TENM2: variants seen among roughly 807,000 people sequenced by gnomAD.
TENM2 encodes teneurin transmembrane protein 2, also known as teneurin-2.
TENM2 carries 52 observed loss-of-function variants against 245.2 expected under a neutral mutation model. The ratio of observed to expected loss-of-function variants is 0.21; its 90% CI spans 0.17 to 0.27. The LOEUF is 0.27. Among genes scored for constraint, TENM2 ranks in the 10% least tolerant of loss-of-function variants. The pLI is 1.00. For synonymous variants in TENM2, 1,363 were observed against 1,438.9 expected, an observed-to-expected ratio of 0.95 and a Z score of 1.19; for missense variants, 3,046 against 3,666.8, an observed-to-expected ratio of 0.83 and a Z score of 4.37.
intron 1 of TENM2, among the ~76,000 whole-genome samples, chr5:167,288,567 A>AT (rs1157918275): frequency 6.6e-6 from 1 of 152,044 alleles, no homozygotes; most frequent in African/African-American, 2.4e-5. Context: ...TCAAAAAAAA[A>AT]AAAAAAAGAA....
intron 5 of TENM2, among the ~76,000 whole-genome samples, chr5:167,997,058 C>T (rs1784104147): frequency 6.6e-6 from 1 of 152,108 alleles, no homozygotes; most frequent in Non-Finnish European, 1.5e-5. Flanking sequence ...CACTTTTATA[C>T]AACTATTCAA....
At chr5:168,148,799 C>T (rs1053039131) in intron 12 of TENM2, among the ~76,000 whole-genome samples, 2 of 151,672 alleles carry the variant, frequency 1.3e-5, no homozygotes, top group African/African-American at 4.9e-5. Flanking sequence ...GTTTTGTGAC[C>T]GCATCTTCAC....
At chr5:167,025,843 A>G in the TENM2 span, among the ~76,000 whole-genome samples, 1 of 152,144 alleles carries the variant, frequency 6.6e-6, no homozygotes, top group Non-Finnish European at 1.5e-5. Context: ...TGGTGTATAT[A>G]ATCCGCTTCT....
At chr5:167,409,363 T>G (rs2127400884) in intron 2 of TENM2, among the ~76,000 whole-genome samples, 1 of 152,106 alleles carries the variant, frequency 6.6e-6, no homozygotes, top group African/African-American at 2.4e-5. Context: ...ATGGATAAAC[T>G]TTAACAAAAA....
At chr5:167,582,403 T>G (rs1025769881) in intron 2 of TENM2, among the ~76,000 whole-genome samples, 1 of 152,220 alleles carries the variant, frequency 6.6e-6, no homozygotes, top group African/African-American at 2.4e-5. Context: ...TTTTATGTGT[T>G]TATAATCACC....
intron 2 of TENM2, among the ~76,000 whole-genome samples, chr5:167,385,426 TA>T (rs1434379291): frequency 6.6e-6 from 1 of 152,008 alleles, no homozygotes. Flanking sequence ...TCTTTCTCAT[TA>T]CATTCATCTT....
At chr5:167,827,056 A>G (rs1246319204) in intron 2 of TENM2, among the ~76,000 whole-genome samples, 1 of 152,258 alleles carries the variant, frequency 6.6e-6, no homozygotes, top group South Asian at 2.1e-4. Context: ...TCCTCAAGAC[A>G]GAAGCCAGAT....
chr5:167,828,927 C>T (rs1768219390), intron 2 of TENM2, among the ~76,000 whole-genome samples: 1 of 152,188 alleles, frequency 6.6e-6, no homozygotes, highest in South Asian at 2.1e-4. Context: ...AGACAGGGTT[C>T]TCTGGCTCTT....
rs1174212211 is a variant in TENM2 at position 167,416,180 on chromosome 5, TG to T, written c.502+40708del. ...CACTTCTTAGCCATTGGCATTTGGA[TG>T]ATTTTCAGGGAATAAGCCAGTGTGT... On this transcript the variant is annotated intron_variant, in intron 2 of 28. Transcript: ENST00000518659. Among the ~76,000 whole-genome samples, 6 of 152,316 alleles carry T rather than the reference TG, an allele frequency of 3.9e-5. No individual in the cohort carries two copies. In the East Asian group the frequency reaches 1.2e-3, roughly 29 times the overall value.
the TENM2 span, among the ~76,000 whole-genome samples, chr5:167,096,680 C>T: frequency 5.9e-5 from 9 of 152,144 alleles, no homozygotes; most frequent in African/African-American, 2.2e-4. Context: ...CAGTATTTCT[C>T]AGTTGTTCCT....
intron 2 of TENM2, among the ~76,000 whole-genome samples, chr5:167,798,184 C>T (rs1583034918): frequency 6.6e-6 from 1 of 152,214 alleles, no homozygotes; most frequent in African/African-American, 2.4e-5. Flanking sequence ...CGCAAGCTAA[C>T]TGCAGGCCAG....
At chr5:167,443,660 T>G (rs2127462907) in intron 2 of TENM2, among the ~76,000 whole-genome samples, 1 of 152,322 alleles carries the variant, frequency 6.6e-6, no homozygotes, top group South Asian at 2.1e-4. Context: ...TAAAATATTT[T>G]TGTTTGTCCT....
the TENM2 span, among the ~76,000 whole-genome samples, chr5:167,268,063 TA>T: frequency 6.6e-6 from 1 of 152,170 alleles, no homozygotes; most frequent in Non-Finnish European, 1.5e-5. Context: ...TTCTGGAACT[TA>T]AAACTTGAAC....
chr5:167,954,988 T>A (rs1455123425), intron 4 of TENM2, among the ~76,000 whole-genome samples: 1 of 152,084 alleles, frequency 6.6e-6, no homozygotes, highest in African/African-American at 2.4e-5. Context: ...TACCCAGTAA[T>A]GGGATTGCTG....
intron 2 of TENM2, among the ~76,000 whole-genome samples, chr5:167,593,902 T>C (rs901732205): frequency 3.3e-5 from 5 of 152,198 alleles, no homozygotes; most frequent in Non-Finnish European, 5.9e-5. Context: ...GAAATATCCA[T>C]GTTGTGGGCA....
intron 14 of TENM2, 128 bp downstream of exon 16, chr5:168,190,675 T>C (rs1406134488): frequency 2.8e-6 from 2 of 716,170 alleles, no homozygotes; most frequent in Admixed American, 2.7e-5. Flanking sequence ...GGCAGCTCCC[T>C]CCAAGGGGGA....
In TENM2 at chr5:167,576,843, C is replaced by T. The variant is rs1464572944; in HGVS notation, c.502+201370C>T. 3.3e-5 allele frequency among the ~76,000 whole-genome samples: 5 copies of T among 152,166 alleles called. No homozygotes were observed. In the East Asian group the frequency reaches 9.7e-4, roughly 29 times the overall value. On this transcript the variant is annotated intron_variant, in intron 2 of 28. Transcript: ENST00000518659. Reference sequence around the variant, plus strand: ...ATATTAAGTGCTTAATAGATCTACCCGTAAAAAACAATCGAAAACCTACAT... The same window carrying T: ...ATATTAAGTGCTTAATAGATCTACCTGTAAAAAACAATCGAAAACCTACAT...
At chr5:167,422,202 G>A (rs370272568) in intron 2 of TENM2, among the ~76,000 whole-genome samples, 4 of 152,136 alleles carry the variant, frequency 2.6e-5, no homozygotes, top group African/African-American at 9.7e-5. Context: ...TGATTAGTTC[G>A]ACAAATAGCA....
chr5:167,435,681 T>A (rs1764510196), intron 2 of TENM2, among the ~76,000 whole-genome samples: 1 of 151,874 alleles, frequency 6.6e-6, no homozygotes, highest in East Asian at 1.9e-4. Context: ...GCTGGAACAG[T>A]TTGGAGGGTT....
Sources: gnomAD v4.1 joint callset for allele counts (sites outside exome capture counted in the v4.1 genomes callset) on GRCh38, gnomAD v4.1.1 for gene constraint, MANE v1.5 for transcripts, NCBI Gene and HGNC (gene_info 2026-07-23, HGNC 2026-07-21) for gene names.